The following ASIC2 variants were observed in gnomAD, a reference collection of about 807,000 sequenced individuals.
ASIC2 encodes the protein acid-sensing ion channel 2.
Under a neutral mutation model 57.3 loss-of-function variants are expected in ASIC2, and 25 were observed. The ratio of observed to expected loss-of-function variants is 0.44; its 90% CI spans 0.32 to 0.61. The LOEUF is 0.61. Ranked by LOEUF, ASIC2 falls within the 20% of genes least tolerant of loss-of-function variation. The pLI is 0.06. For synonymous variants in ASIC2, 319 were observed against 307.5 expected (o/e 1.04, Z -0.39); for missense variants, 641 against 738.1 (o/e 0.87, Z 1.52).
chr17:33,198,388 T>G (rs1298473421), intron 1 of ASIC2, among the ~76,000 whole-genome samples: 1 of 152,296 alleles, frequency 6.6e-6, no homozygotes, highest in East Asian at 1.9e-4. Flanking sequence ...ATCATAAAAT[T>G]GTTGCATGGG....
At chr17:33,300,098 A>T (rs1419606588) in intron 1 of ASIC2, among the ~76,000 whole-genome samples, 2 of 152,142 alleles carry the variant, frequency 1.3e-5, no homozygotes, top group African/African-American at 4.8e-5. Flanking sequence ...ATCTAGTAAA[A>T]AGTTTCTCCA....
chr17:33,160,466 T>A (rs1239292366), intron 1 of ASIC2, among the ~76,000 whole-genome samples: 1 of 152,188 alleles, frequency 6.6e-6, no homozygotes, highest in African/African-American at 2.4e-5. Context: ...TGTGCTTACG[T>A]TCTGCCTTGA....
intron 1 of ASIC2, among the ~76,000 whole-genome samples, chr17:33,735,984 C>T (rs917534713): frequency 7.9e-5 from 12 of 152,046 alleles, no homozygotes; most frequent in African/African-American, 2.9e-4. Context: ...CCTCACAGTC[C>T]CAGTCACCCT....
intron 1 of ASIC2, among the ~76,000 whole-genome samples, chr17:33,344,972 A>G (rs1278808373): frequency 2.0e-5 from 3 of 152,060 alleles, no homozygotes; most frequent in African/African-American, 7.2e-5. Context: ...TTGAATTAAC[A>G]AACCAAAAGA....
At chr17:33,884,660 C>T (rs1390734005) in intron 1 of ASIC2, among the ~76,000 whole-genome samples, 1 of 152,108 alleles carries the variant, frequency 6.6e-6, no homozygotes, top group African/African-American at 2.4e-5. Flanking sequence ...GGCCTCCCTC[C>T]ATGCAGGCTC....
chr17:33,239,246 G>A lies in ASIC2; in HGVS notation c.708+52162C>T, dbSNP rs74535592. Among the ~76,000 whole-genome samples the A allele has an allele frequency of 9.9e-3, 1,511 of 151,966 alleles. 48 individuals are homozygous for A. In the East Asian group the frequency reaches 0.12, roughly 12 times the overall value. On this transcript the variant is annotated intron_variant, in intron 1 of 9. Transcript: ENST00000225823. ...GCGGAGGTTGCAGTCAGCCAAGATCGCACCACTGCACTCCAGCCTGGGCAA... is the reference window on the plus strand; with the variant it reads ...GCGGAGGTTGCAGTCAGCCAAGATCACACCACTGCACTCCAGCCTGGGCAA...
chr17:34,113,000 TGA>T (rs1182199721), intron 1 of ASIC2, among the ~76,000 whole-genome samples: 1 of 152,132 alleles, frequency 6.6e-6, no homozygotes, highest in Non-Finnish European at 1.5e-5. Flanking sequence ...GCATCAGACA[TGA>T]AACACATTCA....
At chr17:33,052,384 C>T (rs1256241082) in intron 3 of ASIC2, 1 of 152,224 alleles carries the variant, frequency 6.6e-6, no homozygotes, top group Non-Finnish European at 1.5e-5. Context: ...GCTTATAAGT[C>T]TTCTTGATGA....
At chr17:34,134,054 T>C (rs1912065167) in intron 1 of ASIC2, among the ~76,000 whole-genome samples, 1 of 152,182 alleles carries the variant, frequency 6.6e-6, no homozygotes, top group South Asian at 2.1e-4. Flanking sequence ...TTCACATAGC[T>C]GATGAGTGCT....
At chr17:33,016,270 A>G (rs1327007686) in intron 8 of ASIC2, among the ~76,000 whole-genome samples, 1 of 152,190 alleles carries the variant, frequency 6.6e-6, no homozygotes, top group African/African-American at 2.4e-5. Flanking sequence ...AGGTAATGGA[A>G]GGCCCTGCTT....
At chr17:33,510,519 C>T (rs544997798) in intron 1 of ASIC2, among the ~76,000 whole-genome samples, 11 of 152,028 alleles carry the variant, frequency 7.2e-5, no homozygotes, top group Admixed American at 2.0e-4. Flanking sequence ...GTGGTGCATG[C>T]CACACCCAAC....
chr17:33,874,629 A>T (rs1489982074), intron 1 of ASIC2, among the ~76,000 whole-genome samples: 1 of 152,158 alleles, frequency 6.6e-6, no homozygotes, highest in East Asian at 1.9e-4. Flanking sequence ...GAGCTGCTAG[A>T]TGGTAACCCC....
At chr17:33,299,710 G>C (rs766821433) in intron 1 of ASIC2, among the ~76,000 whole-genome samples, 43 of 152,034 alleles carry the variant, frequency 2.8e-4, no homozygotes, top group Non-Finnish European at 5.0e-4. Context: ...GGTCAAAGAA[G>C]GGGCCATGAC....
chr17:33,781,852 C>A (rs905971082), intron 1 of ASIC2, among the ~76,000 whole-genome samples: 14 of 152,190 alleles, frequency 9.2e-5, no homozygotes, highest in African/African-American at 3.1e-4. Context: ...TCCTATAACA[C>A]CCTGTTCGTC....
chr17:33,028,516 C>T, intron 3 of ASIC2, 124 bp from the exon 4 acceptor site: 1 of 1,208,498 alleles, frequency 8.3e-7, no homozygotes, highest in Non-Finnish European at 1.1e-6. Flanking sequence ...AGACCTTCAA[C>T]ATCTGGCTCC....
intron 1 of ASIC2, chr17:34,071,827 CA>C (rs11315939): frequency 0.86 from 126,940 of 147,126 alleles, 54,658 homozygotes; most frequent in South Asian, 0.89. Flanking sequence ...GAGACTCCAT[CA>C]AAAAAAAAAA....
intron 1 of ASIC2, among the ~76,000 whole-genome samples, chr17:33,185,567 C>G (rs965498511): frequency 6.6e-6 from 1 of 151,988 alleles, no homozygotes. Flanking sequence ...GAGGGAGAAC[C>G]CTAGCTGAGC....
chr17:33,582,025 A>G (rs1387722405), intron 1 of ASIC2, among the ~76,000 whole-genome samples: 1 of 152,172 alleles, frequency 6.6e-6, no homozygotes, highest in Admixed American at 6.5e-5. Flanking sequence ...TTCAGCACCA[A>G]TTGTCCTTAA....
intron 1 of ASIC2, among the ~76,000 whole-genome samples, chr17:33,639,695 CA>C (rs1180840761): frequency 1.4e-5 from 2 of 145,634 alleles, no homozygotes; most frequent in Admixed American, 1.4e-4. Context: ...CTCTTCTCAC[CA>C]AAAGGGGTGG....
Sources: gnomAD v4.1 joint callset for allele counts (sites outside exome capture counted in the v4.1 genomes callset) on GRCh38, gnomAD v4.1.1 for gene constraint, MANE v1.5 for transcripts, NCBI Gene and HGNC (gene_info 2026-07-23, HGNC 2026-07-21) for gene names.